Variants in MECOM observed in about 807,000 individuals in gnomAD.
The protein encoded by MECOM is MDS1 and EVI1 complex locus.
MECOM carries 13 observed loss-of-function variants against 116.3 expected under a neutral mutation model. The ratio of observed to expected loss-of-function variants is 0.11; its 90% CI spans 0.07 to 0.18. The LOEUF (loss-of-function observed/expected upper bound fraction) is 0.18. MECOM is among the 10% of genes least tolerant of loss of function. The pLI is 1.00. For synonymous variants in MECOM, 528 were observed against 535.2 expected (o/e 0.99, Z 0.19); for missense variants, 1,299 against 1,509.0 (o/e 0.86, Z 2.31).
intron 2 of MECOM, among the ~76,000 whole-genome samples, chr3:169,263,085 A>G (rs1266737945): frequency 2.1e-4 from 1 of 4,726 alleles, no homozygotes; most frequent in Non-Finnish European, 4.9e-4. Context: ...TGCTATATAT[A>G]TATATATATA....
intron 4 of MECOM, among the ~76,000 whole-genome samples, chr3:169,128,935 A>T (rs897920580): frequency 6.6e-6 from 1 of 152,164 alleles, no homozygotes; most frequent in Non-Finnish European, 1.5e-5. Context: ...CACAGATACA[A>T]TCACAGAAGT....
chr3:169,300,806 C>T (rs1716562607), intron 2 of MECOM, among the ~76,000 whole-genome samples: 1 of 152,236 alleles, frequency 6.6e-6, no homozygotes. Flanking sequence ...GAGAGTACAA[C>T]AGAGCTAACC....
intron 1 of MECOM, chr3:169,447,959 A>C (rs1159305816): frequency 1.3e-5 from 2 of 152,292 alleles, no homozygotes; most frequent in Non-Finnish European, 2.9e-5. Flanking sequence ...GTATTATTTA[A>C]ACCCTTGTTT....
chr3:169,331,305 T>C (rs1389539944), intron 2 of MECOM, among the ~76,000 whole-genome samples: 2 of 152,110 alleles, frequency 1.3e-5, no homozygotes, highest in African/African-American at 2.4e-5. Context: ...TTACTGATTG[T>C]CTGGGTTTTG....
intron 1 of MECOM, among the ~76,000 whole-genome samples, chr3:169,508,896 T>C (rs1400461169): frequency 2.6e-5 from 4 of 152,338 alleles, no homozygotes; most frequent in Middle Eastern, 3.4e-3. Context: ...ATTCGTCTTA[T>C]TCTTAGTTAC....
rs190360630 is a variant in MECOM, at chr3:169,288,895, G to A, written c.375+92292C>T. On this transcript the variant is annotated intron_variant, in intron 2 of 16. Coordinates refer to ENST00000651503, the MANE Select transcript of MECOM (RefSeq NM_004991.4). ...AACTCTTTGGTGAAGGAATAAATCT[G>A]ACAATATGCCATCAACTTCAACACA... Among the ~76,000 whole-genome samples the A allele has an allele frequency of 6.8e-4, 103 of 152,304 alleles. 1 individual carries two copies. The highest frequency in any genetic ancestry group is 2.3e-3 in the African/African-American group (97 of 41,562).
chr3:169,341,196 T>C (rs1724436585), intron 2 of MECOM, among the ~76,000 whole-genome samples: 1 of 152,098 alleles, frequency 6.6e-6, no homozygotes, highest in Admixed American at 6.6e-5. Flanking sequence ...AGTCATTCTT[T>C]TTCTTTGAGA....
chr3:169,548,996 C>T (rs1485909860), intron 1 of MECOM, among the ~76,000 whole-genome samples: 9 of 126,742 alleles, frequency 7.1e-5, no homozygotes, highest in African/African-American at 1.2e-4. Context: ...TTTTTTGAGA[C>T]GAAGTCTCAC....
rs527311924 is a variant in MECOM at position 169,611,940 on chromosome 3, A to G, written c.37+51396T>C. On this transcript the variant is annotated intron_variant, in intron 1 of 16. Transcript: ENST00000651503. This position sits in a 1 kb window ranked among gnomAD's most constrained non-coding sequence, Gnocchi z 4.1. ...AAATCTCAACGCTATTGACATTTTGAGCCAGATAATTCTTTGTGATGGGGA... is the reference window on the plus strand; with the variant it reads ...AAATCTCAACGCTATTGACATTTTGGGCCAGATAATTCTTTGTGATGGGGA... 1.3e-5 allele frequency among the ~76,000 whole-genome samples: 2 copies of G among 152,310 alleles called. No homozygotes were observed. Among genetic ancestry groups the G allele is most frequent in the South Asian group, 4.2e-4 (2 of 4,818 alleles).
intron 3 of MECOM, among the ~76,000 whole-genome samples, chr3:169,135,727 CTT>C (rs1219327663): frequency 1.3e-5 from 2 of 151,844 alleles, no homozygotes; most frequent in Non-Finnish European, 3.0e-5. Context: ...TTGCTAGACT[CTT>C]TTTATTTTTC....
chr3:169,575,343 G>T (rs1576952723), intron 1 of MECOM, among the ~76,000 whole-genome samples: 1 of 152,196 alleles, frequency 6.6e-6, no homozygotes, highest in Non-Finnish European at 1.5e-5. Flanking sequence ...AGCAGGGGAA[G>T]GTGTGCCCTG....
chr3:169,503,257 A>C (rs575227068), intron 1 of MECOM, among the ~76,000 whole-genome samples: 2 of 152,298 alleles, frequency 1.3e-5, no homozygotes, highest in East Asian at 3.9e-4. Context: ...CACTAAAGAG[A>C]GATGTCAGTA....
At chr3:169,382,462 G>C (rs17686758) in intron 1 of MECOM, among the ~76,000 whole-genome samples, 2,561 of 152,122 alleles carry the variant, frequency 0.017, 25 homozygotes, top group Non-Finnish European at 0.026. Context: ...TAAACGAGTG[G>C]ACCGTGGGAG....
Position 169,553,160 on chromosome 3 carries a change from A to G in MECOM, c.37+110176T>C, listed in dbSNP as rs192728421. ...GATTTTTTTCCTGAAATGCAATTTCATGATATCTCATTCAATCCTCAACAA... is the reference window on the plus strand; with the variant it reads ...GATTTTTTTCCTGAAATGCAATTTCGTGATATCTCATTCAATCCTCAACAA... On this transcript the variant is annotated intron_variant, in intron 1 of 16. Transcript: ENST00000651503. 1.4e-3 allele frequency among the ~76,000 whole-genome samples: 209 copies of G among 152,236 alleles called. 1 individual carries two copies. Among genetic ancestry groups the G allele is most frequent in the African/African-American group, 4.9e-3 (202 of 41,552 alleles).
chr3:169,179,706 T>C (rs1001429499), intron 2 of MECOM, among the ~76,000 whole-genome samples: 2 of 152,224 alleles, frequency 1.3e-5, no homozygotes, highest in Non-Finnish European at 2.9e-5. Context: ...AATAAAGATG[T>C]AGACTGGCAA....
At chr3:169,249,258 C>T (rs1008122106) in intron 2 of MECOM, among the ~76,000 whole-genome samples, 1 of 152,144 alleles carries the variant, frequency 6.6e-6, no homozygotes, top group Admixed American at 6.5e-5. Flanking sequence ...GGAAGGGAAG[C>T]TACCATAACT....
At chr3:169,518,611 G>T (rs1456645595) in intron 1 of MECOM, among the ~76,000 whole-genome samples, 1 of 152,024 alleles carries the variant, frequency 6.6e-6, no homozygotes, top group Non-Finnish European at 1.5e-5. Context: ...TTGTTTGTTT[G>T]CTTGTTTCCT....
At chr3:169,085,557 A>G (rs1428743018) in intron 16 of MECOM, among the ~76,000 whole-genome samples, 1 of 152,220 alleles carries the variant, frequency 6.6e-6, no homozygotes, top group Non-Finnish European at 1.5e-5. Flanking sequence ...TGGGAGAAGC[A>G]TAACTAAAAT....
intron 1 of MECOM, among the ~76,000 whole-genome samples, chr3:169,518,979 C>T (rs1290250174): frequency 6.6e-6 from 1 of 152,186 alleles, no homozygotes; most frequent in Non-Finnish European, 1.5e-5. Context: ...AAACCTCTTT[C>T]TTTCATAAAT....
Sources: allele counts gnomAD v4.1 joint callset (sites outside exome capture counted in the v4.1 genomes callset), GRCh38; gene constraint gnomAD v4.1.1; non-coding constraint Gnocchi (gnomAD v3.1); transcripts MANE v1.5; gene names NCBI Gene and HGNC (gene_info 2026-07-23, HGNC 2026-07-21).